DLG3: variants seen among roughly 807,000 people sequenced by gnomAD.
DLG3 encodes disks large homolog 3.
Under a neutral mutation model 64.1 loss-of-function variants are expected in DLG3, and 1 was observed. The ratio of observed to expected loss-of-function variants is 0.02; its 90% confidence interval spans 0.01 to 0.07. DLG3 has a LOEUF of 0.07. Among genes scored for constraint, DLG3 ranks in the 10% least tolerant of loss-of-function variants. The pLI, the probability that DLG3 is intolerant of heterozygous loss-of-function variation, is 1.00. For missense variants in DLG3, 429 were observed against 669.5 expected (o/e 0.64, Z 3.96); for synonymous variants, 245 against 259.8 (o/e 0.94, Z 0.55).
intron 10 of DLG3, among the ~76,000 whole-genome samples, chrX:70,488,858 A>C (rs2087304939): frequency 8.9e-6 from 1 of 112,502 alleles, no homozygotes; most frequent in African/African-American, 3.2e-5. Context: ...CAGATACTAC[A>C]TTTCTATGTC....
In DLG3 at chrX:70,466,247, TTGTGTGTGTGTGTGTGTGTG is replaced by T. The variant is rs61083333; in HGVS notation, c.1405+11960_1405+11979del. Among the ~76,000 whole-genome samples, 8 of 84,418 alleles carry T rather than the reference TTGTGTGTGTGTGTGTGTGTG, an allele frequency of 9.5e-5. No individual in the cohort carries two copies. The South Asian group carries it at 2.7e-3, about 29-fold the overall frequency. 73.3% of individuals were successfully genotyped at this position (84,418 alleles called of 115,157 possible). On this transcript the variant is annotated intron_variant, in intron 9 of 18. Coordinates refer to ENST00000374360, the MANE Select transcript of DLG3 (RefSeq NM_021120.4). ...TTGTGTGCAAGTGTTTCTTGGTCAT[TTGTGTGTGTGTGTGTGTGTG>T]TGTGTGTGTGTGTGTGTGTGTGTGT... is the stretch of plus-strand genomic sequence containing the variant.
intron 12 of DLG3, chrX:70,493,303 C>T: frequency 2.1e-6 from 2 of 971,653 alleles, no homozygotes; most frequent in Non-Finnish European, 2.9e-6. Flanking sequence ...GTTTTTCTTG[C>T]ATGCTTTAAA....
chrX:70,493,485 A>T (rs1189160284), intron 12 of DLG3: 1 of 1,174,183 alleles, frequency 8.5e-7, no homozygotes, highest in Non-Finnish European at 1.2e-6. Context: ...CGTAAGTAGC[A>T]GCAGAGTCCA....
intron 16 of DLG3, 96 bp downstream of exon 16, chrX:70,500,145 G>A: frequency 1.2e-6 from 1 of 845,927 alleles, no homozygotes; most frequent in Non-Finnish European, 1.7e-6. Context: ...CTGCCCAACA[G>A]TGCTGCTGAC....
At chrX:70,491,489 T>G (rs1260536814) in intron 10 of DLG3, among the ~76,000 whole-genome samples, 1 of 112,342 alleles carries the variant, frequency 8.9e-6, no homozygotes, top group Admixed American at 9.4e-5. Flanking sequence ...TTGTCCCAGG[T>G]TGGTTAGATG....
At chrX:70,463,070 G>T (rs993229067) in intron 9 of DLG3, among the ~76,000 whole-genome samples, 2 of 112,002 alleles carry the variant, frequency 1.8e-5, no homozygotes, top group Non-Finnish European at 3.8e-5. Context: ...TTTGGTGTCT[G>T]TAAAACATCA....
rs2086599910 is a variant in DLG3 at position 70,449,761 on chromosome X, C to T, written c.605C>T (p.Ala202Val). Residue 202 changes from alanine to valine, a missense_variant, in exon 4 of 19, where the codon GCG becomes GTG. Ala to Val is a moderately conservative substitution (Grantham distance 64). Transcript: ENST00000374360. ...GTGGTACACAGCCGGGCGGTGGAGG[C>T]GCTGAAGGAGGCAGGCCCTGTGGTG... ...SEVVHSRAVEALKEAGPVVRL... is the reference protein window; with the variant it reads ...SEVVHSRAVEVLKEAGPVVRL... 2.5e-6 allele frequency: 3 copies of T among 1,207,991 alleles called. No homozygotes were observed. Among genetic ancestry groups the T allele is most frequent in the Admixed American group, 2.2e-5 (1 of 45,687 alleles).
intron 7 of DLG3, 35 bp downstream of exon 7, chrX:70,452,061 C>T: frequency 8.3e-7 from 1 of 1,203,447 alleles, no homozygotes; most frequent in South Asian, 1.8e-5. Flanking sequence ...ATTCAATCTA[C>T]CCAGAAATTG....
intron 2 of DLG3, 103 bp downstream of exon 2, chrX:70,449,066 A>G: frequency 1.0e-6 from 1 of 953,378 alleles, no homozygotes; most frequent in Non-Finnish European, 1.5e-6. Flanking sequence ...GGGGACCTGC[A>G]TTTAGAGGAT....
chrX:70,481,710 T>G (rs2087158643), intron 10 of DLG3, among the ~76,000 whole-genome samples: 1 of 112,108 alleles, frequency 8.9e-6, no homozygotes, highest in Non-Finnish European at 1.9e-5. Flanking sequence ...CTGTCAGGGA[T>G]CAGTGGGTGA....
chrX:70,502,370 T>G lies in DLG3; in HGVS notation c.*101T>G. The G allele has an allele frequency of 1.7e-6, 1 of 591,025 alleles. No homozygotes were observed. Among genetic ancestry groups the G allele is most frequent in the Non-Finnish European group, 2.8e-6 (1 of 359,280 alleles). 48.7% of individuals were successfully genotyped at this position (591,025 alleles called of 1,213,427 possible). A position where few individuals can be genotyped will look rare whatever the true frequency, so the allele number is the denominator to read the frequency against. On this transcript the variant is annotated 3_prime_UTR_variant, in exon 19 of 19. Transcript: ENST00000374360. ...CCCATGGGGAGAACAAATGCTACTG[T>G]TCTTGTCCCCTTTTTTAGATATGTC... is the stretch of plus-strand genomic sequence containing the variant.
intron 9 of DLG3, among the ~76,000 whole-genome samples, chrX:70,467,580 T>C (rs1008887017): frequency 1.8e-5 from 2 of 112,038 alleles, no homozygotes; most frequent in Non-Finnish European, 3.8e-5. Context: ...GTGTGACAAC[T>C]GTGAAGAACA....
At chrX:70,448,241 G>T (rs1019002861) in intron 1 of DLG3, among the ~76,000 whole-genome samples, 4 of 112,018 alleles carry the variant, frequency 3.6e-5, no homozygotes, top group African/African-American at 1.3e-4. Context: ...TGGGGTACGG[G>T]GATGAGTGAC....
At chrX:70,469,446 C>CT (rs869146273) in intron 9 of DLG3, among the ~76,000 whole-genome samples, 75 of 99,192 alleles carry the variant, frequency 7.6e-4, no homozygotes, top group East Asian at 5.0e-3. Flanking sequence ...CCATTTCTTT[C>CT]TTTTTTTTTT....
At chrX:70,495,369 C>T in intron 12 of DLG3, 39 bp from the exon 13 acceptor site, 1 of 1,187,811 alleles carries the variant, frequency 8.4e-7, no homozygotes, top group Admixed American at 2.2e-5. Flanking sequence ...CCTCTTCTCC[C>T]CGTCGTCCTC....
chrX:70,446,732 C>T (rs1161031403), intron 1 of DLG3, among the ~76,000 whole-genome samples: 1 of 112,776 alleles, frequency 8.9e-6, no homozygotes, highest in Non-Finnish European at 1.9e-5. Context: ...GCTGGCAGAG[C>T]CAGGTCCCTG....
chrX:70,483,597 G>A (rs2087204619), intron 10 of DLG3, among the ~76,000 whole-genome samples: 1 of 112,319 alleles, frequency 8.9e-6, no homozygotes, highest in South Asian at 3.7e-4. Flanking sequence ...ACATGTGTTT[G>A]CAAAGCTATT....
chrX:70,483,612 A>C (rs1326406297), intron 10 of DLG3, among the ~76,000 whole-genome samples: 2 of 112,533 alleles, frequency 1.8e-5, no homozygotes, highest in African/African-American at 6.5e-5. Context: ...GCTATTTTGA[A>C]GTAAATAACA....
At chrX:70,491,844 A>T (rs1202768954) in intron 10 of DLG3, among the ~76,000 whole-genome samples, 2 of 112,353 alleles carry the variant, frequency 1.8e-5, no homozygotes, top group Non-Finnish European at 3.8e-5. Context: ...TTTATCTTGC[A>T]TCCAGAAGCC....
Sources: allele counts gnomAD v4.1 joint callset (sites outside exome capture counted in the v4.1 genomes callset), GRCh38; gene constraint gnomAD v4.1.1; transcripts MANE v1.5; gene names NCBI Gene and HGNC (gene_info 2026-07-23, HGNC 2026-07-21).